The following SLC12A1 variants were observed in gnomAD, a reference collection of about 807,000 sequenced individuals.
SLC12A1 encodes Na-K-2Cl cotransporter.
In SLC12A1, 89 loss-of-function variants were observed where a neutral mutation model predicts 130.4. The observed-to-expected ratio is 0.68, with a 90% confidence interval of 0.58 to 0.81. SLC12A1 has a LOEUF of 0.81. Ranked by LOEUF, SLC12A1 falls within the 40% of genes least tolerant of loss-of-function variation. SLC12A1 has a pLI of 0.00. For missense variants in SLC12A1, 1,310 were observed against 1,336.4 expected (o/e 0.98, Z 0.31); for synonymous variants, 499 against 460.0 (o/e 1.08, Z -1.09).
In SLC12A1 at chr15:48,220,941, C is replaced by T. The variant is rs758787358; in HGVS notation, c.573C>T (p.Ile191=). The T allele has an allele frequency of 1.2e-6, 2 of 1,614,028 alleles. No individual in the cohort carries two copies. Among genetic ancestry groups the T allele is most frequent in the South Asian group, 1.1e-5 (1 of 91,080 alleles). Residue 191 remains isoleucine, a synonymous_variant, in exon 4 of 27, where the codon ATC becomes ATT. Coordinates refer to ENST00000380993, the MANE Select transcript of SLC12A1 (RefSeq NM_000338.3). ...KGVLVRCMLN[I]WGVMLFIRLS... is the part of the protein sequence containing the mutation. The stretch of plus-strand genomic sequence containing the variant: ...CACAGGTAAGATGCATGCTGAACAT[C>T]TGGGGAGTCATGCTCTTCATTCGCC...
intron 26 of SLC12A1, among the ~76,000 whole-genome samples, chr15:48,301,723 G>A (rs1179560855): frequency 6.6e-6 from 1 of 151,988 alleles, no homozygotes; most frequent in Non-Finnish European, 1.5e-5. Context: ...CACAGCTCAC[G>A]GGCCCCTTCC....
At chr15:48,295,542 G>A (rs1296039640) in intron 24 of SLC12A1, among the ~76,000 whole-genome samples, 1 of 152,038 alleles carries the variant, frequency 6.6e-6, no homozygotes, top group Non-Finnish European at 1.5e-5. Context: ...GTCCCAAGAT[G>A]TCCTCTTCTG....
chr15:48,207,935 T>C lies in SLC12A1; in HGVS notation c.216T>C (p.Asn72=), dbSNP rs2041001270. The C allele has an allele frequency of 3.1e-6, 5 of 1,613,984 alleles. No individual in the cohort carries two copies. Among genetic ancestry groups the C allele is most frequent in the Non-Finnish European group, 4.2e-6 (5 of 1,179,884 alleles). The part of the protein sequence containing the change: ...FRPGNQECYD[N]FLQSGETAKT... ...CTGGGAATCAGGAGTGCTATGACAA[T>C]TTCCTCCAAAGTGGAGAAACTGCTA... Residue 72 remains asparagine (N), a synonymous_variant, in exon 2 of 27, where the codon AAT becomes AAC. Transcript: ENST00000380993.
chr15:48,232,674 T>C (rs1016916682), intron 7 of SLC12A1, 53 bp from the exon 8 acceptor site: 1 of 1,105,114 alleles, frequency 9.0e-7, no homozygotes, highest in Admixed American at 1.7e-5. Context: ...TATAATTATG[T>C]AAAAAGTTGT....
chr15:48,219,015 G>GA (rs1049965731), intron 2 of SLC12A1, among the ~76,000 whole-genome samples: 3 of 152,022 alleles, frequency 2.0e-5, no homozygotes, highest in Non-Finnish European at 4.4e-5. Flanking sequence ...GAGGCCACAG[G>GA]AAAAAACCAT....
intron 5 of SLC12A1, chr15:48,227,097 T>G: frequency 6.4e-7 from 1 of 1,552,146 alleles, no homozygotes; most frequent in Non-Finnish European, 8.7e-7. Flanking sequence ...GTCATCATCA[T>G]TGGCCTAAGT....
chr15:48,214,893 A>G (rs934301364), intron 2 of SLC12A1, among the ~76,000 whole-genome samples: 1 of 152,062 alleles, frequency 6.6e-6, no homozygotes, highest in Admixed American at 6.6e-5. Flanking sequence ...ATAATAAAAG[A>G]AAGTTTAAAA....
At chr15:48,239,960 G>C (rs538985236) in intron 9 of SLC12A1, among the ~76,000 whole-genome samples, 34 of 147,408 alleles carry the variant, frequency 2.3e-4, no homozygotes, top group African/African-American at 8.5e-4. Context: ...CAAAAACTAA[G>C]TTTTTGTGTT....
intron 20 of SLC12A1, among the ~76,000 whole-genome samples, chr15:48,278,199 G>A (rs1243495198): frequency 6.6e-6 from 1 of 152,186 alleles, no homozygotes; most frequent in Non-Finnish European, 1.5e-5. Context: ...AGCCGAGATC[G>A]CGCCACTGCA....
intron 2 of SLC12A1, among the ~76,000 whole-genome samples, chr15:48,211,751 A>C (rs574875531): frequency 7.2e-5 from 11 of 152,330 alleles, no homozygotes; most frequent in African/African-American, 2.6e-4. Flanking sequence ...AGTGAGAAAA[A>C]AGTTACATGA....
intron 15 of SLC12A1, among the ~76,000 whole-genome samples, chr15:48,252,934 G>T (rs1012440798): frequency 1.3e-5 from 2 of 152,112 alleles, no homozygotes; most frequent in African/African-American, 4.8e-5. Flanking sequence ...AAACATAAAG[G>T]TCATGCCAAA....
At position 48,254,592 on chromosome 15, in the gene SLC12A1, TAAAAAAAAAAAAAAAAAAAAAAAAA is replaced by T. The variant is rs550686114; in HGVS notation, c.1943-1205_1943-1181del. On this transcript the variant is annotated intron_variant, in intron 15 of 26. Transcript: ENST00000380993. ...AAGATCCATTTAATACTTAAATTCG[TAAAAAAAAAAAAAAAAAAAAAAAAA>T]AAAAAAAAAAAAACCCAAAAAAGAC... 4.3e-4 allele frequency among the ~76,000 whole-genome samples: 23 copies of T among 52,892 alleles called. 1 individual carries two copies. Among genetic ancestry groups the T allele is most frequent in the East Asian group, 2.8e-3 (7 of 2,526 alleles). The allele number at this position is 52,892 out of a possible 152,430, so 34.7% of individuals were successfully genotyped here.
At chr15:48,207,142 C>A (rs985934566) in intron 1 of SLC12A1, among the ~76,000 whole-genome samples, 3 of 152,128 alleles carry the variant, frequency 2.0e-5, no homozygotes, top group African/African-American at 7.2e-5. Flanking sequence ...TCCTAACAAT[C>A]AAAATACTTT....
intron 9 of SLC12A1, among the ~76,000 whole-genome samples, chr15:48,239,697 C>T (rs2041480145): frequency 6.6e-6 from 1 of 151,838 alleles, no homozygotes; most frequent in Non-Finnish European, 1.5e-5. Flanking sequence ...GTCACCCTGG[C>T]TGGAGTGCGG....
Position 48,301,355 on chromosome 15 carries a change from A to G in SLC12A1, c.3137A>G (p.His1046Arg), listed in dbSNP as rs200493592. The change falls in exon 26 of 27, where the codon CAC becomes CGC. Residue 1046 changes from histidine (H) to arginine (R), a missense_variant. Physicochemically the swap from His to Arg is conservative, Grantham distance 29. Coordinates refer to ENST00000380993, the MANE Select transcript of SLC12A1 (RefSeq NM_000338.3). ...QVRLNELLQE[H>R]SRAANLIVLS... ...CGACTGAATGAACTCTTACAGGAGCACTCCAGAGCTGCTAATCTCATTGTC... is the reference window on the plus strand; with the variant it reads ...CGACTGAATGAACTCTTACAGGAGCGCTCCAGAGCTGCTAATCTCATTGTC... 5.6e-6 allele frequency: 9 copies of G among 1,597,966 alleles called. No homozygotes were observed. The African/African-American group carries it at 8.0e-5, about 14-fold the overall frequency.
At chr15:48,292,589 A>T (rs2042132990) in intron 24 of SLC12A1, among the ~76,000 whole-genome samples, 1 of 152,194 alleles carries the variant, frequency 6.6e-6, no homozygotes, top group Admixed American at 6.5e-5. Context: ...ACAGACATTT[A>T]TTTCTCACAG....
intron 6 of SLC12A1, among the ~76,000 whole-genome samples, chr15:48,229,529 C>T (rs1302119281): frequency 6.6e-6 from 1 of 152,136 alleles, no homozygotes; most frequent in African/African-American, 2.4e-5. Context: ...TGGATTAGTT[C>T]CTCTATTCTT....
At chr15:48,267,489 G>T (rs1395832993) in intron 17 of SLC12A1, 72 bp from the exon 18 acceptor site, 4 of 1,539,780 alleles carry the variant, frequency 2.6e-6, no homozygotes, top group Non-Finnish European at 2.7e-6. Flanking sequence ...GGCTATTTTT[G>T]TCCTTTAGAA....
At chr15:48,287,704 A>G (rs1335046958) in intron 21 of SLC12A1, among the ~76,000 whole-genome samples, 1 of 152,240 alleles carries the variant, frequency 6.6e-6, no homozygotes, top group Non-Finnish European at 1.5e-5. Flanking sequence ...AAATGTGGAT[A>G]TTCTGGCTAG....
Sources: allele counts gnomAD v4.1 joint callset (sites outside exome capture counted in the v4.1 genomes callset), GRCh38; gene constraint gnomAD v4.1.1; transcripts MANE v1.5; gene names NCBI Gene and HGNC (gene_info 2026-07-23, HGNC 2026-07-21).